Variants in TMEM43 observed in about 807,000 individuals in gnomAD.
TMEM43 encodes the protein arrhythmogenic right ventricular dysplasia 5.
TMEM43 carries 45 observed loss-of-function variants against 49.6 expected under a neutral mutation model. The ratio of observed to expected loss-of-function variants is 0.91; its 90% CI spans 0.71 to 1.16. The LOEUF is 1.16. TMEM43 is among the 50% of genes most tolerant of loss of function. The pLI, the probability that TMEM43 is intolerant of heterozygous loss-of-function variation, is 0.00. For missense variants in TMEM43, 532 were observed against 516.6 expected, an observed-to-expected ratio of 1.03 and a Z score of -0.29; for synonymous variants, 199 against 207.8, an observed-to-expected ratio of 0.96 and a Z score of 0.36.
At chr3:14,138,027 T>TA (rs1270921153) in intron 10 of TMEM43, 1 of 152,202 alleles carries the variant, frequency 6.6e-6, no homozygotes, top group Non-Finnish European at 1.5e-5. Context: ...GTAAAACACT[T>TA]AGGACAGTAT....
Position 14,132,891 on chromosome 3 carries a change from C to T in TMEM43, c.468C>T (p.Ile156=), listed in dbSNP as rs769654404. Residue 156 remains isoleucine (I), a synonymous_variant, in exon 6 of 12, where the codon ATC becomes ATT. Coordinates refer to ENST00000306077, the MANE Select transcript of TMEM43 (RefSeq NM_024334.3). ...SYNTEWRSEI[I]NSKNFDREIG... ...ACACTGAATGGAGGTCAGAAATCAT[C>T]AACAGCAAAAACTTCGACCGAGAGA... 30 of 1,614,082 alleles carry T rather than the reference C, an allele frequency of 1.9e-5. 4 individuals are homozygous for T. The South Asian group carries it at 2.7e-4, about 15-fold the overall frequency.
At position 14,135,794 on chromosome 3, in the gene TMEM43, G is replaced by C; in HGVS notation, c.781-13G>C. ...GGTCACCCCTCAGCTCTAACACCAG[G>C]TCCTCTGACCAGGTCACTGTGATTG... On this transcript the variant is annotated splice_polypyrimidine_tract_variant and intron_variant, in intron 9 of 11. Coordinates refer to ENST00000306077, the MANE Select transcript of TMEM43 (RefSeq NM_024334.3). The C allele has an allele frequency of 6.2e-7, 1 of 1,611,564 alleles. No homozygotes were observed. Among genetic ancestry groups the C allele is most frequent in the African/African-American group, 1.3e-5 (1 of 74,994 alleles).
At chr3:14,133,075 C>T in intron 6 of TMEM43, 140 bp downstream of exon 6, 2 of 751,284 alleles carry the variant, frequency 2.7e-6, no homozygotes, top group South Asian at 1.5e-5. Flanking sequence ...TGAGACCAAG[C>T]CCTGTGCTGG....
intron 3 of TMEM43, 80 bp from the exon 4 acceptor site, chr3:14,131,500 C>T (rs1695095070): frequency 3.4e-6 from 4 of 1,180,182 alleles, no homozygotes; most frequent in Non-Finnish European, 5.0e-6. Flanking sequence ...TCTTCCAGTC[C>T]AGCTTCCCCT....
rs149883381 is a variant in TMEM43 at position 14,130,938 on chromosome 3, C to T, written c.279C>T (p.Gly93=). ...ENEGRLVHII[G]ALRTSKLLSD... ...AAGGAAGGCTGGTGCACATCATTGG[C>T]GCCTTACGGACATCCAAGGTAGGTT... The change falls in exon 3 of 12, where the codon GGC becomes GGT. Residue 93 remains glycine, a synonymous_variant. Coordinates refer to ENST00000306077, the MANE Select transcript of TMEM43 (RefSeq NM_024334.3). 8.3e-5 allele frequency: 133 copies of T among 1,611,828 alleles called. 1 individual carries two copies. The African/African-American group carries it at 1.4e-3, about 17-fold the overall frequency.
At chr3:14,134,679 G>C in intron 7 of TMEM43, 91 bp from the exon 8 acceptor site, 1 of 1,562,988 alleles carries the variant, frequency 6.4e-7, no homozygotes, top group Non-Finnish European at 8.8e-7. Context: ...GCAGGCTCCA[G>C]GGGTGCAGTG....
At chr3:14,128,964 A>G (rs758651209) in intron 1 of TMEM43, 4 of 456,550 alleles carry the variant, frequency 8.8e-6, no homozygotes, top group South Asian at 4.6e-5. Flanking sequence ...CAAATTCCTG[A>G]TAAACACCAC....
chr3:14,134,963 A>T, intron 8 of TMEM43, 72 bp downstream of exon 8: 1 of 1,607,868 alleles, frequency 6.2e-7, no homozygotes, highest in Non-Finnish European at 8.5e-7. Flanking sequence ...CGCCAGGCAG[A>T]TTCAGTTCAG....
chr3:14,133,389 G>T (rs1695122710), intron 6 of TMEM43, among the ~76,000 whole-genome samples: 1 of 152,194 alleles, frequency 6.6e-6, no homozygotes, highest in African/African-American at 2.4e-5. Flanking sequence ...AATGGTCTGG[G>T]CTGTGCCAGT....
chr3:14,127,788 T>A (rs533879034), intron 1 of TMEM43, among the ~76,000 whole-genome samples: 5 of 152,206 alleles, frequency 3.3e-5, no homozygotes, highest in African/African-American at 4.8e-5. Context: ...ATCTGGTCAC[T>A]GGAGGCCTTG....
At chr3:14,125,323 C>CGG in intron 1 of TMEM43, 118 bp downstream of exon 1, 1 of 1,251,680 alleles carries the variant, frequency 8.0e-7, no homozygotes. Context: ...GCTAGGCCCG[C>CGG]ATCTCCCTCT....
In TMEM43 at chr3:14,129,531, G is replaced by A. The variant is rs770765460; in HGVS notation, c.132G>A (p.Leu44=). The part of the protein sequence containing the change: ...GGMFVGLMAF[L]LSFYLIFTNE... ...TGTTTGTGGGGCTCATGGCCTTCCT[G>A]CTCTCCTTCTACCTAATTTTCACCA... Residue 44 remains leucine (L), a synonymous_variant, in exon 2 of 12, where the codon CTG becomes CTA. Coordinates refer to ENST00000306077, the MANE Select transcript of TMEM43 (RefSeq NM_024334.3). 6.2e-7 allele frequency: 1 copy of A among 1,614,058 alleles called. No individual in the cohort carries two copies. The highest frequency in any genetic ancestry group is 8.5e-7 in the Non-Finnish European group (1 of 1,180,006).
chr3:14,135,585 G>T (rs564344055), intron 9 of TMEM43, among the ~76,000 whole-genome samples: 29 of 152,192 alleles, frequency 1.9e-4, no homozygotes, highest in African/African-American at 6.8e-4. Context: ...CCTGCTCTGC[G>T]CACTGCCCAA....
Position 14,134,697 on chromosome 3 carries a change from G to T in TMEM43, c.584-73G>T. ...GGCTCCAGGGGTGCAGTGGAAGGGGGTCAGGCCAGGGACTTTGCAGATTGA... is the reference window on the plus strand; with the variant it reads ...GGCTCCAGGGGTGCAGTGGAAGGGGTTCAGGCCAGGGACTTTGCAGATTGA... On this transcript the variant is annotated intron_variant, in intron 7 of 11. Transcript: ENST00000306077. The T allele has an allele frequency of 3.1e-6, 5 of 1,606,778 alleles. No homozygotes were observed. The South Asian group carries it at 5.5e-5, about 18-fold the overall frequency.
chr3:14,133,256 C>T (rs554917224), intron 6 of TMEM43, among the ~76,000 whole-genome samples: 1 of 152,332 alleles, frequency 6.6e-6, no homozygotes, highest in Admixed American at 6.5e-5. Flanking sequence ...ACAGGCTTTC[C>T]AGAGGCAGCG....
At chr3:14,130,061 GTC>G (rs1047293510) in intron 2 of TMEM43, among the ~76,000 whole-genome samples, 1 of 104,188 alleles carries the variant, frequency 9.6e-6, no homozygotes, top group Non-Finnish European at 1.8e-5. Flanking sequence ...TCCTTCCTTT[GTC>G]TCTCTCTTTC....
chr3:14,130,972 G>A lies in TMEM43; in HGVS notation c.297+16G>A, dbSNP rs774970089. 1 of 1,604,452 alleles carries A rather than the reference G, an allele frequency of 6.2e-7. No individual in the cohort carries two copies. Among genetic ancestry groups the A allele is most frequent in the African/African-American group, 1.3e-5 (1 of 74,784 alleles). ...GACATCCAAGGTAGGTTTGGCAGGGGATGCTGACCTGCCAGTGGCTCGGGG... is the reference window on the plus strand; with the variant it reads ...GACATCCAAGGTAGGTTTGGCAGGGAATGCTGACCTGCCAGTGGCTCGGGG... On this transcript the variant is annotated intron_variant, in intron 3 of 11. Coordinates refer to ENST00000306077, the MANE Select transcript of TMEM43 (RefSeq NM_024334.3).
At position 14,131,472 on chromosome 3, in the gene TMEM43, C is replaced by A. The variant is rs1000047694; in HGVS notation, c.298-108C>A. ...CAGTGTAGGGCTCTCCACCCTTGTCCCCTTCTCTATTTCTTCCTCTTCCAG... is the reference window on the plus strand; with the variant it reads ...CAGTGTAGGGCTCTCCACCCTTGTCACCTTCTCTATTTCTTCCTCTTCCAG... On this transcript the variant is annotated intron_variant, in intron 3 of 11. Coordinates refer to ENST00000306077, the MANE Select transcript of TMEM43 (RefSeq NM_024334.3). The A allele has an allele frequency of 5.6e-6, 5 of 889,792 alleles. No individual in the cohort carries two copies. The East Asian group carries it at 1.3e-4, about 23-fold the overall frequency. The allele number at this position is 889,792 out of a possible 1,614,324, so 55.1% of individuals were successfully genotyped here.
At chr3:14,128,841 A>G (rs1170381399) in intron 1 of TMEM43, 3 of 423,976 alleles carry the variant, frequency 7.1e-6, no homozygotes, top group Non-Finnish European at 1.4e-5. Context: ...TCACAGCAGC[A>G]TTATTCATAA....
Sources: allele counts gnomAD v4.1 joint callset (sites outside exome capture counted in the v4.1 genomes callset), GRCh38; gene constraint gnomAD v4.1.1; transcripts MANE v1.5; gene names NCBI Gene and HGNC (gene_info 2026-07-23, HGNC 2026-07-21).